ANTXR2: variants seen among roughly 807,000 people sequenced by gnomAD.
ANTXR2 encodes ANTXR cell adhesion molecule 2.
In ANTXR2, 44 loss-of-function variants were observed where a neutral mutation model predicts 73.7. The observed-to-expected ratio is 0.60, with a 90% confidence interval of 0.47 to 0.77. The LOEUF (loss-of-function observed/expected upper bound fraction) is 0.77. Ranked by LOEUF, ANTXR2 falls within the 30% of genes least tolerant of loss-of-function variation. The pLI is 0.00. For missense variants in ANTXR2, 604 were observed against 592.5 expected (o/e 1.02, Z -0.20); for synonymous variants, 217 against 205.9 (o/e 1.05, Z -0.46).
chr4:79,912,544 C>A (rs956215144), intron 16 of ANTXR2, among the ~76,000 whole-genome samples: 1 of 151,970 alleles, frequency 6.6e-6, no homozygotes, highest in Non-Finnish European at 1.5e-5. Context: ...TAGTGAATTT[C>A]TGTGGCAAGA....
rs1732937094 is a variant in ANTXR2 at position 80,035,975 on chromosome 4, C to A, written c.694G>T (p.Gly232Trp). 3 of 1,543,504 alleles carry A rather than the reference C, an allele frequency of 1.9e-6. No individual in the cohort carries two copies. The highest frequency in any genetic ancestry group is 1.3e-5 in the South Asian group (1 of 79,800). Reference sequence around the variant, plus strand: ...TTTTTAAATTCTAAACACTTACCCCCCACACAGACACTTGAGGGCTGCAAT... The same window carrying A: ...TTTTTAAATTCTAAACACTTACCCCACACACAGACACTTGAGGGCTGCAAT... ...LELQPSSVCV[G>W]EEFQIVLSGR... The change falls in exon 8 of 17, where the codon GGG becomes TGG. Residue 232 changes from glycine to tryptophan, a missense_variant. Physicochemically the swap from Gly to Trp is radical, Grantham distance 184. Transcript: ENST00000403729.
chr4:80,012,681 T>C (rs1731647446), intron 11 of ANTXR2, among the ~76,000 whole-genome samples: 1 of 152,138 alleles, frequency 6.6e-6, no homozygotes. Context: ...TTCTGAATTA[T>C]AGCATTTATC....
At position 79,935,805 on chromosome 4, in the gene ANTXR2, C is replaced by T. The variant is rs959080836; in HGVS notation, c.1429-28338G>A. Among the ~76,000 whole-genome samples, 9 of 152,184 alleles carry T rather than the reference C, an allele frequency of 5.9e-5. 1 individual carries two copies. The highest frequency in any genetic ancestry group is 1.7e-4 in the African/African-American group (7 of 41,438). On this transcript the variant is annotated intron_variant, in intron 16 of 16. Coordinates refer to ENST00000403729, the MANE Select transcript of ANTXR2 (RefSeq NM_058172.6). ...GGTTAGCTCTGCCCATTTGTGTGTA[C>T]GTTGTTGGCTACTTGTGTTTGGAAG... is the stretch of plus-strand genomic sequence containing the variant.
At chr4:80,052,450 G>T (rs554770201) in intron 7 of ANTXR2, among the ~76,000 whole-genome samples, 6 of 151,640 alleles carry the variant, frequency 4.0e-5, no homozygotes, top group African/African-American at 1.4e-4. Flanking sequence ...TATCAATCAC[G>T]TTGATAAAAA....
chr4:80,013,965 C>A (rs1177830580), intron 11 of ANTXR2, among the ~76,000 whole-genome samples: 1 of 152,156 alleles, frequency 6.6e-6, no homozygotes, highest in South Asian at 2.1e-4. Flanking sequence ...TTCAAGTCAT[C>A]AGCCTTGGCA....
At chr4:80,059,166 T>A (rs948764425) in intron 3 of ANTXR2, among the ~76,000 whole-genome samples, 1 of 152,070 alleles carries the variant, frequency 6.6e-6, no homozygotes, top group African/African-American at 2.4e-5. Flanking sequence ...ACACTATTAA[T>A]TTCTATGCAG....
chr4:80,017,165 C>A (rs1731913980), intron 11 of ANTXR2, among the ~76,000 whole-genome samples: 2 of 152,224 alleles, frequency 1.3e-5, no homozygotes, highest in South Asian at 4.1e-4. Context: ...CTGCCACTCT[C>A]TCTTCCTTAT....
intron 7 of ANTXR2, among the ~76,000 whole-genome samples, chr4:80,046,192 T>C (rs1733507106): frequency 6.6e-6 from 1 of 151,812 alleles, no homozygotes; most frequent in South Asian, 2.1e-4. Flanking sequence ...TTGATGAACA[T>C]ACTCTCATAT....
intron 10 of ANTXR2, among the ~76,000 whole-genome samples, chr4:80,021,572 G>A (rs886178940): frequency 1.3e-5 from 2 of 152,040 alleles, no homozygotes; most frequent in African/African-American, 4.8e-5. Flanking sequence ...CACCAGAAAC[G>A]AACAAGTTCT....
intron 12 of ANTXR2, among the ~76,000 whole-genome samples, chr4:80,004,361 C>CTA (rs1731202153): frequency 6.6e-6 from 1 of 152,032 alleles, no homozygotes; most frequent in Non-Finnish European, 1.5e-5. Context: ...CTTCTTGCTG[C>CTA]TATAACAAAT....
rs1188183668 is a variant in ANTXR2, at chr4:79,906,803, T to G, written c.*626A>C. ...GCTACCAATACCTTGAGGCATCTTG[T>G]CTACATTTTGTCATGCGTGTGCACT... is the stretch of plus-strand genomic sequence containing the variant. On this transcript the variant is annotated 3_prime_UTR_variant, in exon 17 of 17. Transcript: ENST00000403729. 6.5e-6 allele frequency: 1 copy of G among 152,724 alleles called. No homozygotes were observed. The highest frequency in any genetic ancestry group is 1.5e-5 in the Non-Finnish European group (1 of 68,146). 9.5% of individuals were successfully genotyped at this position (152,724 alleles called of 1,614,324 possible).
At position 79,978,946 on chromosome 4, in the gene ANTXR2, C is replaced by A. The variant is rs139639628; in HGVS notation, c.1180-772G>T. ...AGTTCTAAGTAATATAGTGTTCAGCCTTTAGTTCCCAAGCTCATCTGAGTA... is the reference window on the plus strand; with the variant it reads ...AGTTCTAAGTAATATAGTGTTCAGCATTTAGTTCCCAAGCTCATCTGAGTA... On this transcript the variant is annotated intron_variant, in intron 14 of 16. Coordinates refer to ENST00000403729, the MANE Select transcript of ANTXR2 (RefSeq NM_058172.6). Among the ~76,000 whole-genome samples the A allele has an allele frequency of 8.5e-5, 13 of 152,176 alleles. No individual in the cohort carries two copies. The East Asian group carries it at 2.5e-3, about 29-fold the overall frequency.
intron 12 of ANTXR2, among the ~76,000 whole-genome samples, chr4:79,999,290 T>C (rs1218530742): frequency 6.6e-6 from 1 of 151,978 alleles, no homozygotes; most frequent in Non-Finnish European, 1.5e-5. Context: ...GTTCTCATGA[T>C]AGTGAGCTCT....
At chr4:80,011,271 CTA>C (rs1731562293) in intron 11 of ANTXR2, among the ~76,000 whole-genome samples, 7 of 16,730 alleles carry the variant, frequency 4.2e-4, no homozygotes, top group African/African-American at 8.6e-4. Context: ...CCTGGTCTTG[CTA>C]TCTATCTATC....
At chr4:79,995,590 T>TA (rs1287241137) in intron 12 of ANTXR2, among the ~76,000 whole-genome samples, 2 of 151,952 alleles carry the variant, frequency 1.3e-5, no homozygotes, top group Non-Finnish European at 2.9e-5. Context: ...TATAAAATGA[T>TA]AAAAAATACA....
intron 11 of ANTXR2, among the ~76,000 whole-genome samples, 173 bp from the exon 12 acceptor site, chr4:80,008,789 A>C (rs1323290809): frequency 6.6e-6 from 1 of 152,188 alleles, no homozygotes. Flanking sequence ...TCTTCTATTT[A>C]ATATATATTA....
chr4:80,036,724 A>G (rs147906838), intron 7 of ANTXR2, among the ~76,000 whole-genome samples: 169 of 152,028 alleles, frequency 1.1e-3, no homozygotes, highest in African/African-American at 3.8e-3. Context: ...TCGCTTTAAC[A>G]CAGCAATGAG....
In ANTXR2 at chr4:80,056,992, A is replaced by C. The variant is rs149390966; in HGVS notation, c.297-979T>G. The stretch of plus-strand genomic sequence containing the variant: ...TTTATAATAAATTTAAAAGATAAGA[A>C]GATATCTTAAGATATTGTTTTCAGA... On this transcript the variant is annotated intron_variant, in intron 3 of 16. Transcript: ENST00000403729. Among the ~76,000 whole-genome samples the C allele has an allele frequency of 2.0e-5, 3 of 152,082 alleles. 1 individual carries two copies. The highest frequency in any genetic ancestry group is 3.9e-4 in the East Asian group (2 of 5,156).
intron 16 of ANTXR2, among the ~76,000 whole-genome samples, chr4:79,966,606 G>A (rs1273683461): frequency 6.6e-6 from 1 of 152,062 alleles, no homozygotes; most frequent in African/African-American, 2.4e-5. Flanking sequence ...AAAAAGAACT[G>A]AAATTTAAGA....
Sources: allele counts gnomAD v4.1 joint callset (sites outside exome capture counted in the v4.1 genomes callset), GRCh38; gene constraint gnomAD v4.1.1; transcripts MANE v1.5; gene names NCBI Gene and HGNC (gene_info 2026-07-23, HGNC 2026-07-21).